Variants in USP8 observed in about 807,000 individuals in gnomAD.
The protein encoded by USP8 is ubiquitin carboxyl-terminal hydrolase 8.
USP8 carries 27 observed loss-of-function variants against 130.0 expected under a neutral mutation model. The ratio of observed to expected loss-of-function variants is 0.21; its 90% CI spans 0.15 to 0.29. USP8 has a LOEUF of 0.29. Among genes scored for constraint, USP8 ranks in the 10% least tolerant of loss-of-function variants. USP8 has a pLI of 1.00. For synonymous variants in USP8, 392 were observed against 444.1 expected (o/e 0.88, Z 1.48); for missense variants, 1,029 against 1,312.2 (o/e 0.78, Z 3.33).
intron 14 of USP8, 127 bp downstream of exon 14, chr15:50,490,652 A>G: frequency 4.1e-6 from 5 of 1,223,424 alleles, no homozygotes; most frequent in Non-Finnish European, 5.6e-6. Context: ...AGCCGTTATT[A>G]TTTACCACAG....
At chr15:50,471,405 AT>A (rs146278394) in intron 7 of USP8, among the ~76,000 whole-genome samples, 25 of 152,314 alleles carry the variant, frequency 1.6e-4, no homozygotes, top group African/African-American at 6.0e-4. Context: ...GTCTTCTTTT[AT>A]AGTCTCTAAT....
Position 50,494,299 on chromosome 15 carries a change from C to G in USP8, c.2658+19C>G. 6.3e-7 allele frequency: 1 copy of G among 1,582,932 alleles called. No individual in the cohort carries two copies. Among genetic ancestry groups the G allele is most frequent in the Non-Finnish European group, 8.6e-7 (1 of 1,169,070 alleles). ...AAATAAAGTAAGAAATTTGATTTTT[C>G]TAAGTTGCAGAGACTCTTTAGGGTT... On this transcript the variant is annotated intron_variant, in intron 16 of 19. Coordinates refer to ENST00000307179, the MANE Select transcript of USP8 (RefSeq NM_005154.5).
rs779791776 is a variant in USP8, at chr15:50,496,099, TAG to T, written c.2895+21_2895+22del. The T allele has an allele frequency of 9.0e-6, 14 of 1,561,988 alleles. No homozygotes were observed. The Admixed American group carries it at 2.5e-4, about 28-fold the overall frequency. On this transcript the variant is annotated intron_variant, in intron 17 of 19. Transcript: ENST00000307179. Reference sequence around the variant, plus strand: ...GTACATTACAGGTAAGTTTAAGAAGTAGAGAGAAAATGATTTATTGGATAAAA... The same window carrying T: ...GTACATTACAGGTAAGTTTAAGAAGTAGAGAAAATGATTTATTGGATAAAA...
intron 11 of USP8, among the ~76,000 whole-genome samples, chr15:50,482,814 T>C (rs2051823056): frequency 6.6e-6 from 1 of 152,228 alleles, no homozygotes; most frequent in South Asian, 2.1e-4. Flanking sequence ...AGTGTGGAAA[T>C]GACTTCTAAT....
chr15:50,489,869 A>G lies in USP8; in HGVS notation c.1959A>G (p.Ser653=). The change falls in exon 13 of 20, where the codon TCA becomes TCG. Residue 653 remains serine, a synonymous_variant. Transcript: ENST00000307179. ...EMGRIVPGLP[S]GWAKFLDPIT... ...GGAGGATCGTACCAGGACTGCCTTC[A>G]GGCTGGGCCAAGGTAAAAGTCAGAA... 6.3e-7 allele frequency: 1 copy of G among 1,580,902 alleles called. No individual in the cohort carries two copies. Among genetic ancestry groups the G allele is most frequent in the Non-Finnish European group, 8.6e-7 (1 of 1,165,646 alleles).
chr15:50,452,180 C>G (rs2050649057), intron 4 of USP8, among the ~76,000 whole-genome samples: 1 of 152,174 alleles, frequency 6.6e-6, no homozygotes, highest in Non-Finnish European at 1.5e-5. Flanking sequence ...TTTGCCTGTC[C>G]CGTTTCTTAT....
chr15:50,428,037 T>G (rs1174976755), intron 1 of USP8, among the ~76,000 whole-genome samples: 1 of 152,056 alleles, frequency 6.6e-6, no homozygotes, highest in African/African-American at 2.4e-5. Flanking sequence ...CCATACTAAT[T>G]CAAGTAAAAC....
chr15:50,468,143 C>T (rs1018451904), intron 7 of USP8, among the ~76,000 whole-genome samples: 8 of 151,746 alleles, frequency 5.3e-5, no homozygotes, highest in African/African-American at 1.9e-4. Flanking sequence ...ACCATGTTGG[C>T]CAGGCTGGTC....
intron 8 of USP8, among the ~76,000 whole-genome samples, chr15:50,475,452 G>T (rs1595957672): frequency 6.6e-6 from 1 of 152,050 alleles, no homozygotes; most frequent in African/African-American, 2.4e-5. Context: ...TTGGTTAAGT[G>T]TATAAATTGG....
intron 16 of USP8, among the ~76,000 whole-genome samples, chr15:50,495,017 TAAAA>T: frequency 8.8e-6 from 1 of 113,530 alleles, no homozygotes; most frequent in Non-Finnish European, 1.9e-5. Context: ...AGACTCTTTC[TAAAA>T]AAAAAAAAAA....
At chr15:50,482,774 A>G (rs1031205955) in intron 11 of USP8, among the ~76,000 whole-genome samples, 9 of 152,184 alleles carry the variant, frequency 5.9e-5, no homozygotes, top group African/African-American at 2.2e-4. Flanking sequence ...TCCTTTTTAC[A>G]TATGTATAAA....
chr15:50,477,357 A>G lies in USP8; in HGVS notation c.1076A>G (p.Asp359Gly). 6.2e-7 allele frequency: 1 copy of G among 1,614,138 alleles called. No homozygotes were observed. The highest frequency in any genetic ancestry group is 8.5e-7 in the Non-Finnish European group (1 of 1,180,026). The change falls in exon 10 of 20, where the codon GAT becomes GGT. Residue 359 changes from aspartate to glycine, a missense_variant. Asp to Gly is a moderately conservative substitution (Grantham distance 94). This residue lies in a region of USP8 where 486 missense variants were observed against 522.0 expected (regional missense o/e 0.93). Transcript: ENST00000307179. ...AQTPPASIEVDENIELISGQN... is the reference protein window; with the variant it reads ...AQTPPASIEVGENIELISGQN... ...ACGCCACCTGCATCTATAGAAGTAG[A>G]TGAAAATATAGAATTGATAAGTGGT...
rs533829290 is a variant in USP8, at chr15:50,475,103, C to T, written c.850-1746C>T. Among the ~76,000 whole-genome samples the T allele has an allele frequency of 3.3e-5, 5 of 152,100 alleles. No individual in the cohort carries two copies. In the South Asian group the frequency reaches 8.3e-4, roughly 25 times the overall value. Reference sequence around the variant, plus strand: ...CAGCCTGGGCAAAAGAACAAAAGTCCATCTCAAAAAGAAAAGACATTTAAC... The same window carrying T: ...CAGCCTGGGCAAAAGAACAAAAGTCTATCTCAAAAAGAAAAGACATTTAAC... On this transcript the variant is annotated intron_variant, in intron 8 of 19. Coordinates refer to ENST00000307179, the MANE Select transcript of USP8 (RefSeq NM_005154.5).
chr15:50,437,440 CAT>C (rs1246208551), intron 1 of USP8, among the ~76,000 whole-genome samples: 1 of 152,090 alleles, frequency 6.6e-6, no homozygotes, highest in African/African-American at 2.4e-5. Flanking sequence ...TCGTATTACA[CAT>C]ATTCTTGGTT....
Position 50,481,728 on chromosome 15 carries a change from A to G in USP8, c.1466A>G (p.Glu489Gly). 1 of 1,610,210 alleles carries G rather than the reference A, an allele frequency of 6.2e-7. No individual in the cohort carries two copies. The highest frequency in any genetic ancestry group is 8.5e-7 in the Non-Finnish European group (1 of 1,178,784). Residue 489 changes from glutamate to glycine, a missense_variant, in exon 11 of 20, where the codon GAA becomes GGA. Coordinates refer to ENST00000307179, the MANE Select transcript of USP8 (RefSeq NM_005154.5). The stretch of plus-strand genomic sequence containing the variant: ...GAACTTCGGGAAAGGCAGCAAGAGG[A>G]ACAGAAAGAGAAACTGAGGAAGGAA... Reference protein sequence around the residue: ...EKELRERQQEEQKEKLRKEEQ... With the variant: ...EKELRERQQEGQKEKLRKEEQ...
chr15:50,463,491 A>G (rs952947600), intron 6 of USP8: 1 of 152,252 alleles, frequency 6.6e-6, no homozygotes, highest in Admixed American at 6.5e-5. Context: ...TATAGGTAAC[A>G]GTAAAATAAA....
intron 7 of USP8, among the ~76,000 whole-genome samples, chr15:50,469,607 T>C (rs1215003730): frequency 1.3e-5 from 2 of 152,154 alleles, no homozygotes; most frequent in Non-Finnish European, 2.9e-5. Context: ...TCCTGGAAGA[T>C]ACAGTAACCA....
intron 2 of USP8, among the ~76,000 whole-genome samples, chr15:50,439,829 T>TAATAA (rs56260607): frequency 5.3e-5 from 7 of 133,260 alleles, no homozygotes; most frequent in South Asian, 2.3e-4. Flanking sequence ...ATAATAATAA[T>TAATAA]TTTTTTTTTC....
intron 7 of USP8, among the ~76,000 whole-genome samples, chr15:50,470,165 G>A (rs1427805601): frequency 1.3e-5 from 2 of 152,108 alleles, no homozygotes; most frequent in Non-Finnish European, 1.5e-5. Flanking sequence ...CACTTTCTGT[G>A]GGCTGGGTTA....
Sources: allele counts gnomAD v4.1 joint callset (sites outside exome capture counted in the v4.1 genomes callset), GRCh38; gene constraint gnomAD v4.1.1; regional missense constraint gnomAD v4.1.1; transcripts MANE v1.5; gene names NCBI Gene and HGNC (gene_info 2026-07-23, HGNC 2026-07-21).